The following ABCA10 variants were observed in gnomAD, a reference collection of about 807,000 sequenced individuals.
ABCA10 encodes the protein ATP binding cassette subfamily A member 10.
Under a neutral mutation model 187.5 loss-of-function variants are expected in ABCA10, and 169 were observed. The observed-to-expected ratio is 0.90, with a 90% CI of 0.80 to 1.02. The LOEUF (loss-of-function observed/expected upper bound fraction) is 1.02, where lower values mean the gene tolerates loss of function less well. ABCA10 is among the 50% of genes least tolerant of loss of function. The pLI is 0.00. For missense variants in ABCA10, 1,727 were observed against 1,812.4 expected (o/e 0.95, Z 0.86); for synonymous variants, 574 against 601.8 (o/e 0.95, Z 0.68).
intron 1 of ABCA10, among the ~76,000 whole-genome samples, chr17:69,240,353 C>T (rs528217450): frequency 7.3e-4 from 111 of 152,254 alleles, no homozygotes; most frequent in Admixed American, 1.9e-3. Flanking sequence ...TTTGCTAAGG[C>T]TGCCCTAGGG....
Position 69,193,987 on chromosome 17 carries a change from A to G in ABCA10, c.1348T>C (p.Ser450Pro), listed in dbSNP as rs1006184607. 6 of 1,585,594 alleles carry G rather than the reference A, an allele frequency of 3.8e-6. No homozygotes were observed. In the African/African-American group the frequency reaches 6.8e-5, roughly 18 times the overall value. ...LSGLSVSTEG[S>P]ATIYNTQLSE... ...AGTTGAGTATTATAAATAGTGGCTGATCCTATAAATAGAAATTTAAAAGGC... is the reference window on the plus strand; with the variant it reads ...AGTTGAGTATTATAAATAGTGGCTGGTCCTATAAATAGAAATTTAAAAGGC... Residue 450 changes from serine (S) to proline (P), a missense_variant and splice_region_variant, in exon 13 of 39, where the codon TCA becomes CCA. Coordinates refer to ENST00000690296, the MANE Select transcript of ABCA10 (RefSeq NM_001377321.1).
chr17:69,239,978 G>A (rs921805802), intron 1 of ABCA10, among the ~76,000 whole-genome samples: 22 of 152,202 alleles, frequency 1.4e-4, no homozygotes, highest in African/African-American at 4.6e-4. Flanking sequence ...CATGACATTG[G>A]GTGGGCAATT....
intron 9 of ABCA10, among the ~76,000 whole-genome samples, chr17:69,209,736 T>C (rs1052877712): frequency 6.6e-6 from 1 of 152,178 alleles, no homozygotes; most frequent in African/African-American, 2.4e-5. Context: ...CATTTTGTCA[T>C]TGTGCACTCT....
At chr17:69,171,017 T>G (rs2074294071) in intron 25 of ABCA10, among the ~76,000 whole-genome samples, 1 of 152,232 alleles carries the variant, frequency 6.6e-6, no homozygotes, top group South Asian at 2.1e-4. Flanking sequence ...CAATCGTAGA[T>G]GGATTCTACA....
chr17:69,211,488 C>T (rs2074658789), intron 9 of ABCA10, among the ~76,000 whole-genome samples: 1 of 151,444 alleles, frequency 6.6e-6, no homozygotes, highest in African/African-American at 2.4e-5. Flanking sequence ...GTGATCCTGG[C>T]TTCATAGAAT....
intron 2 of ABCA10, among the ~76,000 whole-genome samples, chr17:69,226,522 G>C (rs777365107): frequency 6.6e-6 from 1 of 151,956 alleles, no homozygotes; most frequent in Non-Finnish European, 1.5e-5. Context: ...ATATCTCATA[G>C]TAACACAAAG....
intron 27 of ABCA10, among the ~76,000 whole-genome samples, chr17:69,157,783 A>G (rs563633002): frequency 6.6e-6 from 1 of 152,216 alleles, no homozygotes; most frequent in South Asian, 2.1e-4. Flanking sequence ...GGACATCCTT[A>G]AAGATAGAAA....
intron 22 of ABCA10, among the ~76,000 whole-genome samples, chr17:69,179,214 A>C (rs559684340): frequency 7.3e-4 from 111 of 152,132 alleles, no homozygotes; most frequent in South Asian, 7.1e-3. Flanking sequence ...ACAAACAAAA[A>C]AAAAACCTCT....
intron 10 of ABCA10, among the ~76,000 whole-genome samples, chr17:69,197,393 AG>A (rs1298924873): frequency 6.6e-6 from 1 of 152,142 alleles, no homozygotes; most frequent in African/African-American, 2.4e-5. Context: ...GAAAAAAAAA[AG>A]AAGGAAAGAA....
At chr17:69,230,638 C>A (rs2074826152), upstream of ABCA10, among the ~76,000 whole-genome samples, 1 of 151,994 alleles carries the variant, frequency 6.6e-6, no homozygotes, top group Non-Finnish European at 1.5e-5. Flanking sequence ...AGTCCTTGAC[C>A]CCTGAAAGCA....
At position 69,219,695 on chromosome 17, in the gene ABCA10, G is replaced by C. The variant is rs143231882; in HGVS notation, c.380C>G (p.Ser127Cys). 55 of 1,611,526 alleles carry C rather than the reference G, an allele frequency of 3.4e-5. No homozygotes were observed. In the African/African-American group the frequency reaches 6.0e-4, roughly 18 times the overall value. Residue 127 changes from serine to cysteine, a missense_variant, in exon 6 of 39, where the codon TCT (serine) becomes TGT (cysteine). By Grantham distance (112) the Ser-to-Cys change is moderately radical. Coordinates refer to ENST00000690296, the MANE Select transcript of ABCA10 (RefSeq NM_001377321.1). Reference sequence around the variant, plus strand: ...CCATTCATTCATAATTTCTCCCTTAGAAATGAAAGGTGGTATCTTCATATT... The same window carrying C: ...CCATTCATTCATAATTTCTCCCTTACAAATGAAAGGTGGTATCTTCATATT... ...GINMKIPPFI[S>C]KGEIMNEWFH...
chr17:69,175,321 C>T (rs1375522582), intron 23 of ABCA10, 85 bp downstream of exon 23: 2 of 1,144,412 alleles, frequency 1.7e-6, no homozygotes, highest in Non-Finnish European at 1.2e-6. Flanking sequence ...CAAAGTACAA[C>T]TGTGTGTGTA....
At position 69,149,045 on chromosome 17, in the gene ABCA10, A is replaced by G; in HGVS notation, c.4521T>C (p.Ala1507=). ...AATGAAAACCCACCTGCTCCAAGGTAGCCTGAGAGAGGCTGTATTCCTCCA... is the reference window on the plus strand; with the variant it reads ...AATGAAAACCCACCTGCTCCAAGGTGGCCTGAGAGAGGCTGTATTCCTCCA... ...FNLEEYSLSQ[A]TLEQVFLELC... The change falls in exon 38 of 39, where the codon GCT becomes GCC. Residue 1507 remains alanine, a synonymous_variant. Transcript: ENST00000690296. The G allele has an allele frequency of 6.2e-7, 1 of 1,612,506 alleles. No individual in the cohort carries two copies. Among genetic ancestry groups the G allele is most frequent in the Non-Finnish European group, 8.5e-7 (1 of 1,179,662 alleles).
In ABCA10 at chr17:69,201,638, A is replaced by T; in HGVS notation, c.1037T>A (p.Phe346Tyr). 1 of 1,607,970 alleles carries T rather than the reference A, an allele frequency of 6.2e-7. No individual in the cohort carries two copies. Among genetic ancestry groups the T allele is most frequent in the South Asian group, 1.1e-5 (1 of 89,290 alleles). Residue 346 changes from phenylalanine (F) to tyrosine (Y), a missense_variant, in exon 10 of 39, where the codon TTT (phenylalanine) becomes TAT (tyrosine). Coordinates refer to ENST00000690296, the MANE Select transcript of ABCA10 (RefSeq NM_001377321.1). ...DKDGHGDSPL[F>Y]FLKSSFWSKH... ...GGACCAAAATGAGGACTTAAGGAAA[A>T]ATAATGGAGAATCCCCATGGCCATC...
intron 25 of ABCA10, 98 bp downstream of exon 25, chr17:69,174,183 T>C: frequency 1.3e-6 from 1 of 788,660 alleles, no homozygotes. Context: ...CAAAAAACCC[T>C]CCATTCTCTT....
intron 9 of ABCA10, among the ~76,000 whole-genome samples, chr17:69,211,381 T>TTATCCACTC (rs1415341311): frequency 3.5e-5 from 5 of 144,118 alleles, no homozygotes; most frequent in Non-Finnish European, 6.0e-5. Context: ...CACATTTTCT[T>TTATCCACTC]TATCCACTCG....
rs1362105209 is a variant in ABCA10 at position 69,210,663 on chromosome 17, ATGATGTTTCGTTTTCCATTCC to A, written c.1006+4020_1006+4040del. Among the ~76,000 whole-genome samples the A allele has an allele frequency of 1.8e-3, 269 of 152,030 alleles. 2 individuals are homozygous for A. The highest frequency in any genetic ancestry group is 6.1e-3 in the African/African-American group (254 of 41,390). Reference sequence around the variant, plus strand: ...AGCTCCCACTTATAAGCAAGAGCATATGATGTTTCGTTTTCCATTCCTGAGTTAACTTCACTTAGAATAATG... The same window carrying A: ...AGCTCCCACTTATAAGCAAGAGCATATGAGTTAACTTCACTTAGAATAATG... On this transcript the variant is annotated intron_variant, in intron 9 of 38. Transcript: ENST00000690296.
At position 69,182,169 on chromosome 17, in the gene ABCA10, C is replaced by T; in HGVS notation, c.2753G>A (p.Ser918Asn). The T allele has an allele frequency of 1.3e-6, 2 of 1,580,804 alleles. No homozygotes were observed. Among genetic ancestry groups the T allele is most frequent in the South Asian group, 1.2e-5 (1 of 85,744 alleles). The stretch of plus-strand genomic sequence containing the variant: ...TCTACTTACACGAGAAAATGAAGTG[C>T]TCTCCATTTGAATAAGCTCCGTGAA... The part of the protein sequence containing the change: ...FNFTELIQME[S>N]TSFSRDDIVL... The change falls in exon 22 of 39, where the codon AGC becomes AAC. Residue 918 changes from serine to asparagine, a missense_variant. By Grantham distance (46) the Ser-to-Asn change is conservative. Transcript: ENST00000690296.
chr17:69,177,041 T>C (rs1181361665), intron 22 of ABCA10, among the ~76,000 whole-genome samples: 1 of 152,150 alleles, frequency 6.6e-6, no homozygotes, highest in Non-Finnish European at 1.5e-5. Context: ...CTCAACTTCA[T>C]CCTAATGATT....
Sources: allele counts gnomAD v4.1 joint callset (sites outside exome capture counted in the v4.1 genomes callset), GRCh38; gene constraint gnomAD v4.1.1; transcripts MANE v1.5; gene names NCBI Gene and HGNC (gene_info 2026-07-23, HGNC 2026-07-21).